The following RBM47 variants were observed in gnomAD, a reference collection of about 807,000 sequenced individuals.
The protein encoded by RBM47 is RNA binding motif protein 47, also known as RNA-binding protein 47.
Under a neutral mutation model 47.1 loss-of-function variants are expected in RBM47, and 21 were observed. The observed-to-expected ratio is 0.45, with a 90% CI of 0.32 to 0.64. RBM47 has a LOEUF of 0.64. RBM47 is among the 30% of genes least tolerant of loss of function. The probability of loss-of-function intolerance (pLI) is 0.05; values close to 1 mark genes in which losing one functional copy is unlikely to be tolerated. For missense variants in RBM47, 708 were observed against 870.9 expected (o/e 0.81, Z 2.35); for synonymous variants, 375 against 361.7 (o/e 1.04, Z -0.42).
At chr4:40,457,752 G>A (rs1438120026) in intron 3 of RBM47, among the ~76,000 whole-genome samples, 1 of 152,070 alleles carries the variant, frequency 6.6e-6, no homozygotes, top group South Asian at 2.1e-4. Flanking sequence ...TTTTTCATTC[G>A]TTAAACTTCT....
rs74868702 is a variant in RBM47 at position 40,574,052 on chromosome 4, T to C, written c.-239-29546A>G. Among the ~76,000 whole-genome samples, 587 of 152,264 alleles carry C rather than the reference T, an allele frequency of 3.9e-3. 3 individuals are homozygous for C. Among genetic ancestry groups the C allele is most frequent in the African/African-American group, 0.013 (553 of 41,538 alleles). On this transcript the variant is annotated intron_variant, in intron 1 of 6. Transcript: ENST00000295971. ...CAACCGAAGAGCAGTGTTTAGAATATTTTTCACTTAAATAATGAGGAAGAA... is the reference window on the plus strand; with the variant it reads ...CAACCGAAGAGCAGTGTTTAGAATACTTTTCACTTAAATAATGAGGAAGAA...
At chr4:40,452,378 C>T (rs116256746) in intron 3 of RBM47, among the ~76,000 whole-genome samples, 3 of 152,170 alleles carry the variant, frequency 2.0e-5, no homozygotes, top group African/African-American at 7.2e-5. Flanking sequence ...TGGAGAGCCA[C>T]GAAGCTTTAG....
intron 1 of RBM47, among the ~76,000 whole-genome samples, chr4:40,624,870 T>TC (rs1553910747): frequency 7.7e-6 from 1 of 129,740 alleles, no homozygotes; most frequent in Non-Finnish European, 1.6e-5. Context: ...CTTTTTTTTT[T>TC]TTTTTTTTTT....
chr4:40,582,487 T>C (rs910221509), intron 1 of RBM47, among the ~76,000 whole-genome samples: 2 of 152,132 alleles, frequency 1.3e-5, no homozygotes, highest in Non-Finnish European at 2.9e-5. Flanking sequence ...TGAGCCGAGA[T>C]TATGCCACTG....
At position 40,600,985 on chromosome 4, in the gene RBM47, C is replaced by CA. The variant is rs56054491; in HGVS notation, c.-240+28410dup. ...AGGCAACAAGAGTGAAACTCCGTCT[C>CA]AAAAAAAAAAAAAAAAAGAAAGAAG... On this transcript the variant is annotated intron_variant, in intron 1 of 6. Transcript: ENST00000295971. 1.6e-3 allele frequency among the ~76,000 whole-genome samples: 81 copies of CA among 50,096 alleles called. 6 individuals are homozygous for CA. Among genetic ancestry groups the CA allele is most frequent in the East Asian group, 4.1e-3 (8 of 1,950 alleles). The allele number at this position is 50,096 out of a possible 152,430, so 32.9% of individuals were successfully genotyped here.
chr4:40,590,312 T>G (rs1314268366), intron 1 of RBM47, among the ~76,000 whole-genome samples: 1 of 152,118 alleles, frequency 6.6e-6, no homozygotes, highest in Non-Finnish European at 1.5e-5. Flanking sequence ...GGAGGATTGC[T>G]TGAGCCCAGA....
At chr4:40,472,270 A>G (rs1478017602) in intron 2 of RBM47, among the ~76,000 whole-genome samples, 1 of 152,150 alleles carries the variant, frequency 6.6e-6, no homozygotes, top group African/African-American at 2.4e-5. Context: ...TTATATCGTC[A>G]TTAATAGTTA....
chr4:40,494,593 G>A (rs1245435711), intron 2 of RBM47, among the ~76,000 whole-genome samples: 3 of 152,278 alleles, frequency 2.0e-5, no homozygotes, highest in Admixed American at 2.0e-4. Context: ...TCCTAAATCA[G>A]AGATCAACAA....
chr4:40,476,789 G>A (rs886143766), intron 2 of RBM47, among the ~76,000 whole-genome samples: 1 of 152,122 alleles, frequency 6.6e-6, no homozygotes, highest in Non-Finnish European at 1.5e-5. Context: ...GAGCTCTGCA[G>A]CACATCAAGA....
chr4:40,549,860 T>C (rs1282456565), intron 1 of RBM47, among the ~76,000 whole-genome samples: 1 of 152,134 alleles, frequency 6.6e-6, no homozygotes, highest in Middle Eastern at 3.2e-3. Context: ...TTTGTATTTT[T>C]AGTAGAGACA....
At chr4:40,491,032 C>T (rs144411676) in intron 2 of RBM47, among the ~76,000 whole-genome samples, 3 of 152,184 alleles carry the variant, frequency 2.0e-5, no homozygotes, top group African/African-American at 7.2e-5. Context: ...TACAAAGCTA[C>T]AGTAAACGAG....
chr4:40,498,398 T>G (rs1175449031), intron 2 of RBM47, among the ~76,000 whole-genome samples: 1 of 152,084 alleles, frequency 6.6e-6, no homozygotes, highest in African/African-American at 2.4e-5. Context: ...TATTAAAAAT[T>G]GTTAAGTATT....
intron 2 of RBM47, among the ~76,000 whole-genome samples, chr4:40,491,104 G>A (rs547606865): frequency 6.6e-5 from 10 of 152,230 alleles, no homozygotes; most frequent in East Asian, 1.9e-4. Flanking sequence ...GGTGGGCAGC[G>A]TGGTACTGGC....
intron 1 of RBM47, among the ~76,000 whole-genome samples, chr4:40,602,092 C>G (rs979444942): frequency 6.6e-6 from 1 of 151,820 alleles, no homozygotes; most frequent in Non-Finnish European, 1.5e-5. Flanking sequence ...CGCTTGAGCC[C>G]GGGAGGTGGA....
At chr4:40,567,280 G>C (rs532938129) in intron 1 of RBM47, among the ~76,000 whole-genome samples, 12 of 151,982 alleles carry the variant, frequency 7.9e-5, no homozygotes, top group Non-Finnish European at 1.2e-4. Context: ...AGCTCAGAGA[G>C]GTTACCTGTA....
intron 1 of RBM47, among the ~76,000 whole-genome samples, chr4:40,624,222 A>C (rs191961646): frequency 3.3e-4 from 51 of 152,302 alleles, no homozygotes; most frequent in African/African-American, 1.1e-3. Context: ...ACTGAGTCAC[A>C]GAGTTTTCTT....
chr4:40,594,044 C>T (rs147623101), intron 1 of RBM47, among the ~76,000 whole-genome samples: 3 of 151,750 alleles, frequency 2.0e-5, no homozygotes, highest in African/African-American at 7.3e-5. Context: ...AGAGCAAGAC[C>T]CCATCTCAAA....
At chr4:40,569,237 T>A (rs1731438009) in intron 1 of RBM47, among the ~76,000 whole-genome samples, 4 of 150,120 alleles carry the variant, frequency 2.7e-5, no homozygotes, top group African/African-American at 4.9e-5. Flanking sequence ...TACCATAGAG[T>A]GAAATTATTA....
chr4:40,446,716 G>C (rs972034173), intron 3 of RBM47, among the ~76,000 whole-genome samples: 2 of 131,158 alleles, frequency 1.5e-5, no homozygotes, highest in African/African-American at 5.8e-5. Flanking sequence ...TCCAGCCTAG[G>C]TGACAGAGCA....
Sources: allele counts gnomAD v4.1 joint callset (sites outside exome capture counted in the v4.1 genomes callset), GRCh38; gene constraint gnomAD v4.1.1; transcripts MANE v1.5; gene names NCBI Gene and HGNC (gene_info 2026-07-23, HGNC 2026-07-21).